TRIM3: variants seen among roughly 807,000 people sequenced by gnomAD.
The protein encoded by TRIM3 is tripartite motif-containing protein 3.
A neutral mutation model predicts 66.6 loss-of-function variants in TRIM3; 13 were observed. The observed-to-expected ratio is 0.20, with a 90% CI of 0.13 to 0.31. TRIM3 has a LOEUF of 0.31. Among genes scored for constraint, TRIM3 ranks in the 10% least tolerant of loss-of-function variants. The pLI, the probability that TRIM3 is intolerant of heterozygous loss-of-function variation, is 1.00. For synonymous variants in TRIM3, 406 were observed against 411.7 expected (o/e 0.99, Z 0.17); for missense variants, 711 against 1,020.4 (o/e 0.70, Z 4.13).
Position 6,457,950 on chromosome 11 carries a change from C to T in TRIM3, c.364-103G>A, listed in dbSNP as rs931405861. 3.9e-6 allele frequency: 6 copies of T among 1,552,254 alleles called. No individual in the cohort carries two copies. Among genetic ancestry groups the T allele is most frequent in the Non-Finnish European group, 4.4e-6 (5 of 1,142,464 alleles). The stretch of plus-strand genomic sequence containing the variant: ...CCTCACCTTCTAAGTGCACCCCCTA[C>T]CTGGACCACTAATCCAGAGCAGTAC... On this transcript the variant is annotated intron_variant, in intron 3 of 11. Coordinates refer to ENST00000345851, the MANE Select transcript of TRIM3 (RefSeq NM_033278.4). The surrounding 1 kb of genome is among the most constrained non-coding windows in gnomAD (Gnocchi z 4.5).
At chr11:6,468,621 A>C (rs1195840615) in intron 1 of TRIM3, among the ~76,000 whole-genome samples, 2 of 152,224 alleles carry the variant, frequency 1.3e-5, no homozygotes, top group African/African-American at 4.8e-5. Context: ...CGGACTGAAG[A>C]GTGCCCACTA....
chr11:6,459,019 T>C (rs1290568963), intron 2 of TRIM3, among the ~76,000 whole-genome samples: 3 of 152,236 alleles, frequency 2.0e-5, no homozygotes, highest in Non-Finnish European at 2.9e-5. Flanking sequence ...GTATTACTTA[T>C]TATTAATATA....
intron 7 of TRIM3, chr11:6,453,190 G>C (rs1849807777): frequency 6.6e-6 from 1 of 152,182 alleles, no homozygotes; most frequent in Non-Finnish European, 1.5e-5. Context: ...GAACTCCCCA[G>C]CTCAATCTCA....
chr11:6,457,516 GCTTTGCCGAA>G lies in TRIM3; in HGVS notation c.516-50_516-41del, dbSNP rs1231680520. 4.9e-5 allele frequency: 79 copies of G among 1,599,090 alleles called. No homozygotes were observed. Among genetic ancestry groups the G allele is most frequent in the Non-Finnish European group, 6.7e-5 (79 of 1,171,538 alleles). On this transcript the variant is annotated intron_variant, in intron 4 of 11. Coordinates refer to ENST00000345851, the MANE Select transcript of TRIM3 (RefSeq NM_033278.4). This position sits in a 1 kb window ranked among gnomAD's most constrained non-coding sequence, Gnocchi z 4.5. ...TCTCATTCCAGAGTTGCTGAGGGTG[GCTTTGCCGAA>G]CTTTCCCTTCTCCCTGGGGAACCTA...
chr11:6,449,169 G>A lies in TRIM3; in HGVS notation c.2094C>T (p.Ser698=), dbSNP rs1378421446. Residue 698 remains serine (S), a synonymous_variant, in exon 12 of 12, where the codon AGC becomes AGT. Coordinates refer to ENST00000345851, the MANE Select transcript of TRIM3 (RefSeq NM_033278.4). The surrounding 1 kb of genome is among the most constrained non-coding windows in gnomAD (Gnocchi z 5.3). ...TGATATAGGACAGGAAGGAGCCAGAGCTGTCGAATACCTGGGGAAGGAGTG... is the reference window on the plus strand; with the variant it reads ...TGATATAGGACAGGAAGGAGCCAGAACTGTCGAATACCTGGGGAAGGAGTG... ...WGNSRIQVFD[S]SGSFLSYINT... is the part of the protein sequence containing the mutation. 1.2e-6 allele frequency: 2 copies of A among 1,614,012 alleles called. No individual in the cohort carries two copies. The highest frequency in any genetic ancestry group is 2.7e-5 in the African/African-American group (2 of 74,936).
At chr11:6,465,128 G>C (rs1330469240) in intron 2 of TRIM3, among the ~76,000 whole-genome samples, 1 of 151,648 alleles carries the variant, frequency 6.6e-6, no homozygotes, top group Non-Finnish European at 1.5e-5. Context: ...GTGATCCATA[G>C]AAGCCTAGAG....
Position 6,450,755 on chromosome 11 carries a change from G to T in TRIM3, c.1871-134C>A. 2 of 1,433,112 alleles carry T rather than the reference G, an allele frequency of 1.4e-6. No homozygotes were observed. The highest frequency in any genetic ancestry group is 1.9e-6 in the Non-Finnish European group (2 of 1,029,552). 88.8% of individuals were successfully genotyped at this position (1,433,112 alleles called of 1,614,324 possible). ...CAGGACTGAGACAAATTATTTCTGA[G>T]ATGATAGGGCTAACGTAAGGGAAGT... On this transcript the variant is annotated intron_variant, in intron 9 of 11. Transcript: ENST00000345851. This position sits in a 1 kb window ranked among gnomAD's most constrained non-coding sequence, Gnocchi z 4.8.
chr11:6,449,003 C>A lies in TRIM3; in HGVS notation c.*25G>T. 6.2e-7 allele frequency: 1 copy of A among 1,611,482 alleles called. No individual in the cohort carries two copies. The highest frequency in any genetic ancestry group is 8.5e-7 in the Non-Finnish European group (1 of 1,177,736). On this transcript the variant is annotated 3_prime_UTR_variant, in exon 12 of 12. Coordinates refer to ENST00000345851, the MANE Select transcript of TRIM3 (RefSeq NM_033278.4). The surrounding 1 kb of genome is among the most constrained non-coding windows in gnomAD (Gnocchi z 5.3). Reference sequence around the variant, plus strand: ...AATCACCCCAATGTCTGTCCCTCCACAAGCCAGGCAGGGCCTCTGTACAGC... The same window carrying A: ...AATCACCCCAATGTCTGTCCCTCCAAAAGCCAGGCAGGGCCTCTGTACAGC...
chr11:6,468,530 A>G (rs570324134), intron 1 of TRIM3, among the ~76,000 whole-genome samples: 2 of 152,362 alleles, frequency 1.3e-5, no homozygotes, highest in South Asian at 4.1e-4. Flanking sequence ...GAACCCAGAG[A>G]AATGGTAGGA....
At position 6,450,775 on chromosome 11, in the gene TRIM3, G is replaced by C; in HGVS notation, c.1870+117C>G. 1 of 1,477,380 alleles carries C rather than the reference G, an allele frequency of 6.8e-7. No individual in the cohort carries two copies. 91.5% of individuals were successfully genotyped at this position (1,477,380 alleles called of 1,614,324 possible). A position where few individuals can be genotyped will look rare whatever the true frequency, so the allele number is the denominator to read the frequency against. ...TCTGAGATGATAGGGCTAACGTAAG[G>C]GAAGTGGGATCTCCAGAGCCAAGAT... On this transcript the variant is annotated intron_variant, in intron 9 of 11. Coordinates refer to ENST00000345851, the MANE Select transcript of TRIM3 (RefSeq NM_033278.4). The surrounding 1 kb of genome is among the most constrained non-coding windows in gnomAD (Gnocchi z 4.8).
At position 6,456,374 on chromosome 11, in the gene TRIM3, C is replaced by T; in HGVS notation, c.1352G>A (p.Arg451His). The change falls in exon 6 of 12, where the codon CGT becomes CAT. Residue 451 changes from arginine (R) to histidine (H), a missense_variant. By Grantham distance (29) the Arg-to-His change is conservative. Coordinates refer to ENST00000345851, the MANE Select transcript of TRIM3 (RefSeq NM_033278.4). The surrounding 1 kb of genome is among the most constrained non-coding windows in gnomAD (Gnocchi z 6.4). ...PGSHVRQKAV[R>H]RPSSMYSTGG... Reference sequence around the variant, plus strand: ...TGTGCTGTACATGGAGCTGGGCCTACGCACTGCCTTCTGGCGCACATGGCT... The same window carrying T: ...TGTGCTGTACATGGAGCTGGGCCTATGCACTGCCTTCTGGCGCACATGGCT... The T allele has an allele frequency of 6.5e-7, 1 of 1,532,240 alleles. No homozygotes were observed. Among genetic ancestry groups the T allele is most frequent in the Non-Finnish European group, 8.8e-7 (1 of 1,137,126 alleles). 94.9% of individuals were successfully genotyped at this position (1,532,240 alleles called of 1,614,324 possible).
chr11:6,457,430 G>C lies in TRIM3; in HGVS notation c.562C>G (p.Gln188Glu). The change falls in exon 5 of 12, where the codon CAG (glutamine) becomes GAG (glutamate). Residue 188 changes from glutamine (Q) to glutamate (E), a missense_variant. Gln to Glu is a conservative substitution (Grantham distance 29). Transcript: ENST00000345851. The surrounding 1 kb of genome is among the most constrained non-coding windows in gnomAD (Gnocchi z 4.5). ...TCTGCCTTGCGCTCCTGCAGCTGCT[G>C]GCTGATGCCCCCGACTAAGGCAATT... The part of the protein sequence containing the change: ...AAIALVGGIS[Q>E]QLQERKAEAL... 6.2e-7 allele frequency: 1 copy of C among 1,613,492 alleles called. No homozygotes were observed. Among genetic ancestry groups the C allele is most frequent in the Non-Finnish European group, 8.5e-7 (1 of 1,180,042 alleles).
chr11:6,454,673 GC>G (rs1849891496), intron 7 of TRIM3, among the ~76,000 whole-genome samples: 1 of 152,146 alleles, frequency 6.6e-6, no homozygotes, highest in South Asian at 2.1e-4. Flanking sequence ...GCTGCACAGG[GC>G]CTCTCCATTC....
At chr11:6,453,940 A>G (rs1193070840) in intron 7 of TRIM3, among the ~76,000 whole-genome samples, 1 of 152,208 alleles carries the variant, frequency 6.6e-6, no homozygotes, top group East Asian at 1.9e-4. Flanking sequence ...CAGAAATTCA[A>G]CTTAGAAATC....
intron 1 of TRIM3, chr11:6,473,139 G>T (rs1850761185): frequency 6.6e-6 from 1 of 152,636 alleles, no homozygotes; most frequent in South Asian, 2.1e-4. Context: ...CTGCAGGTTT[G>T]CAGCCCAGGA....
At chr11:6,470,240 A>G (rs981353177) in intron 1 of TRIM3, among the ~76,000 whole-genome samples, 8 of 152,166 alleles carry the variant, frequency 5.3e-5, no homozygotes, top group African/African-American at 7.2e-5. Context: ...AGATAAATCA[A>G]TTTTGCAGGG....
Position 6,449,714 on chromosome 11 carries a change from C to T in TRIM3, c.1942-268G>A. Reference sequence around the variant, plus strand: ...CTCTATCTCAATGACTGGTGCCACCCAGCTGGCCATGAGTCACTCTTGACT... The same window carrying T: ...CTCTATCTCAATGACTGGTGCCACCTAGCTGGCCATGAGTCACTCTTGACT... On this transcript the variant is annotated intron_variant, in intron 10 of 11. Transcript: ENST00000345851. This position sits in a 1 kb window ranked among gnomAD's most constrained non-coding sequence, Gnocchi z 5.3. 1 of 400,324 alleles carries T rather than the reference C, an allele frequency of 2.5e-6. No homozygotes were observed. Among genetic ancestry groups the T allele is most frequent in the Admixed American group, 4.1e-5 (1 of 24,542 alleles). 24.8% of individuals were successfully genotyped at this position (400,324 alleles called of 1,614,324 possible).
chr11:6,449,602 A>G lies in TRIM3; in HGVS notation c.1942-156T>C, dbSNP rs1050788241. On this transcript the variant is annotated intron_variant, in intron 10 of 11. Coordinates refer to ENST00000345851, the MANE Select transcript of TRIM3 (RefSeq NM_033278.4). The surrounding 1 kb of genome is among the most constrained non-coding windows in gnomAD (Gnocchi z 5.3). ...CATAGGCTTCACATCCATGTGCCCTACTGCCTAGTAGACATCTCTTGCTGA... is the reference window on the plus strand; with the variant it reads ...CATAGGCTTCACATCCATGTGCCCTGCTGCCTAGTAGACATCTCTTGCTGA... The G allele has an allele frequency of 1.1e-4, 67 of 634,854 alleles. No individual in the cohort carries two copies. Among genetic ancestry groups the G allele is most frequent in the Non-Finnish European group, 1.3e-4 (49 of 370,248 alleles). The allele number at this position is 634,854 out of a possible 1,614,324, so 39.3% of individuals were successfully genotyped here.
chr11:6,468,456 G>A (rs1850554846), intron 1 of TRIM3, among the ~76,000 whole-genome samples: 1 of 152,220 alleles, frequency 6.6e-6, no homozygotes, highest in African/African-American at 2.4e-5. Context: ...ACAGAGGGCA[G>A]ACAGTGATAA....
Sources: gnomAD v4.1 joint callset for allele counts (sites outside exome capture counted in the v4.1 genomes callset) on GRCh38, gnomAD v4.1.1 for gene constraint, Gnocchi (gnomAD v3.1) non-coding constraint, MANE v1.5 for transcripts, NCBI Gene and HGNC (gene_info 2026-07-23, HGNC 2026-07-21) for gene names.